Variants in RTKN2 observed in about 807,000 individuals in gnomAD.
RTKN2 encodes rhotekin-2.
In RTKN2, 69 loss-of-function variants were observed where a neutral mutation model predicts 71.5. The observed-to-expected ratio is 0.96, with a 90% CI of 0.79 to 1.18. The LOEUF (loss-of-function observed/expected upper bound fraction) is 1.18. RTKN2 is among the 50% of genes most tolerant of loss of function. RTKN2 has a pLI of 0.00. For synonymous variants in RTKN2, 236 were observed against 236.5 expected, an observed-to-expected ratio of 1.00 and a Z score of 0.02; for missense variants, 724 against 719.7, an observed-to-expected ratio of 1.01 and a Z score of -0.07.
chr10:62,204,043 G>A (rs960521660), intron 10 of RTKN2, among the ~76,000 whole-genome samples: 1 of 152,100 alleles, frequency 6.6e-6, no homozygotes, highest in Non-Finnish European at 1.5e-5. Flanking sequence ...ATTTCCATGA[G>A]TTGCAGAAAT....
intron 8 of RTKN2, 31 bp from the exon 9 acceptor site, chr10:62,217,280 T>C (rs1333330565): frequency 9.1e-6 from 13 of 1,433,482 alleles, no homozygotes; most frequent in African/African-American, 1.5e-5. Flanking sequence ...ATCAAGAGAC[T>C]ATCAATTTTA....
chr10:62,223,385 C>A (rs1841952600), intron 6 of RTKN2, 53 bp from the exon 7 acceptor site: 1 of 1,047,716 alleles, frequency 9.5e-7, no homozygotes, highest in Non-Finnish European at 1.5e-6. Context: ...TCTACTACTA[C>A]ACAAAATATT....
At chr10:62,259,224 T>C (rs1250365588) in intron 2 of RTKN2, 3 of 453,492 alleles carry the variant, frequency 6.6e-6, no homozygotes, top group African/African-American at 6.0e-5. Flanking sequence ...CTGCCATGAC[T>C]ATGAGGCCTC....
intron 6 of RTKN2, among the ~76,000 whole-genome samples, chr10:62,233,891 G>A (rs1321795341): frequency 2.0e-5 from 3 of 152,132 alleles, no homozygotes; most frequent in East Asian, 1.9e-4. Context: ...CTGACATGCT[G>A]AAGAGCCAAC....
intron 10 of RTKN2, 121 bp downstream of exon 10, chr10:62,204,736 A>G (rs1364149103): frequency 1.6e-6 from 1 of 622,240 alleles, no homozygotes. Flanking sequence ...ATATACTACC[A>G]TTCTTTCAAG....
chr10:62,199,779 C>T lies in RTKN2; in HGVS notation c.1269G>A (p.Glu423=). ...PRKPPLFLTK[E]ATSVYHDMSI... ...TCATATCATGGTAGACTGAGGTTGC[C>T]TCTTTTGTCAAGAACAAAGGTGGTT... Residue 423 remains glutamate, a synonymous_variant, in exon 11 of 12, where the codon GAG becomes GAA. Coordinates refer to ENST00000373789, the MANE Select transcript of RTKN2 (RefSeq NM_145307.4). 6.2e-7 allele frequency: 1 copy of T among 1,612,586 alleles called. No individual in the cohort carries two copies. The highest frequency in any genetic ancestry group is 8.5e-7 in the Non-Finnish European group (1 of 1,178,824).
chr10:62,235,978 A>G, intron 6 of RTKN2, 88 bp downstream of exon 6: 1 of 972,728 alleles, frequency 1.0e-6, no homozygotes, highest in Non-Finnish European at 1.5e-6. Context: ...TTTTCCATTT[A>G]TAAAGTAAAC....
chr10:62,226,766 C>T (rs1209799667), intron 6 of RTKN2, among the ~76,000 whole-genome samples: 1 of 152,118 alleles, frequency 6.6e-6, no homozygotes, highest in East Asian at 1.9e-4. Flanking sequence ...TAATGAATCC[C>T]CAAAAAGTTG....
rs143896283 is a variant in RTKN2, at chr10:62,218,087, A to T, written c.888+108T>A. 1,068 of 702,522 alleles carry T rather than the reference A, an allele frequency of 1.5e-3. 9 individuals carry two copies. Among genetic ancestry groups the T allele is most frequent in the African/African-American group, 0.012 (679 of 56,142 alleles). 43.5% of individuals were successfully genotyped at this position (702,522 alleles called of 1,614,324 possible). ...TAACATTTAGAAAACTGACATTTAA[A>T]AAAAGACTTAAAAAATACTTCTCAA... is the stretch of plus-strand genomic sequence containing the variant. On this transcript the variant is annotated intron_variant, in intron 8 of 11. Transcript: ENST00000373789.
chr10:62,206,717 C>T (rs1257214240), intron 9 of RTKN2, among the ~76,000 whole-genome samples: 1 of 151,938 alleles, frequency 6.6e-6, no homozygotes, highest in African/African-American at 2.4e-5. Context: ...ATATATGTTA[C>T]TTTTGACTAT....
chr10:62,230,252 AC>A (rs1158852824), intron 6 of RTKN2, among the ~76,000 whole-genome samples: 8 of 151,966 alleles, frequency 5.3e-5, no homozygotes, highest in African/African-American at 1.7e-4. Context: ...GCTCACTGCA[AC>A]CTCTGCCTCC....
rs1313359486 is a variant in RTKN2, at chr10:62,233,502, G to A, written c.686+2564C>T. Among the ~76,000 whole-genome samples the A allele has an allele frequency of 2.6e-5, 4 of 152,072 alleles. No homozygotes were observed. In the East Asian group the frequency reaches 7.7e-4, roughly 29 times the overall value. Reference sequence around the variant, plus strand: ...TTTACATTGGAAAGACATCTTCTATGACTGTTTTTCAGAATGTAGACTGGG... The same window carrying A: ...TTTACATTGGAAAGACATCTTCTATAACTGTTTTTCAGAATGTAGACTGGG... On this transcript the variant is annotated intron_variant, in intron 6 of 11. Transcript: ENST00000373789.
chr10:62,243,648 G>C (rs572326544), intron 3 of RTKN2, among the ~76,000 whole-genome samples: 11 of 152,156 alleles, frequency 7.2e-5, no homozygotes, highest in Non-Finnish European at 1.5e-4. Flanking sequence ...GTGCTCTTCA[G>C]ATAGCAATGG....
At chr10:62,264,937 C>T (rs1445893180) in intron 1 of RTKN2, among the ~76,000 whole-genome samples, 2 of 151,704 alleles carry the variant, frequency 1.3e-5, no homozygotes, top group African/African-American at 4.8e-5. Flanking sequence ...TTGAAACTTG[C>T]AACAACCTTA....
At chr10:62,244,583 A>C (rs1564522395) in intron 3 of RTKN2, among the ~76,000 whole-genome samples, 1 of 152,148 alleles carries the variant, frequency 6.6e-6, no homozygotes, top group Non-Finnish European at 1.5e-5. Context: ...CTATATTAGA[A>C]GCAAGAAATG....
At chr10:62,240,744 C>T (rs942926634) in intron 4 of RTKN2, among the ~76,000 whole-genome samples, 6 of 152,140 alleles carry the variant, frequency 3.9e-5, no homozygotes, top group Admixed American at 3.9e-4. Context: ...AAAATCTTTC[C>T]CTATTTCATC....
At chr10:62,191,208 C>T (rs1009437138), downstream of RTKN2, among the ~76,000 whole-genome samples, 3 of 152,168 alleles carry the variant, frequency 2.0e-5, no homozygotes, top group Non-Finnish European at 2.9e-5. Flanking sequence ...CACAGTTCAT[C>T]GCAGCTGGAA....
exon 9 of RTKN2, chr10:62,183,918 T>C (rs1216371277): frequency 6.4e-6 from 1 of 156,352 alleles, no homozygotes; most frequent in Non-Finnish European, 1.4e-5. Context: ...AAGATTCACT[T>C]TATTCTTCAA....
chr10:62,225,998 G>T (rs1842015059), intron 6 of RTKN2, among the ~76,000 whole-genome samples: 1 of 152,018 alleles, frequency 6.6e-6, no homozygotes, highest in Admixed American at 6.6e-5. Context: ...AGCCAGGAAT[G>T]GTCTCGATCT....
Sources: allele counts gnomAD v4.1 joint callset (sites outside exome capture counted in the v4.1 genomes callset), GRCh38; gene constraint gnomAD v4.1.1; transcripts MANE v1.5; gene names NCBI Gene and HGNC (gene_info 2026-07-23, HGNC 2026-07-21).